Variants in TMTC2 observed in about 807,000 individuals in gnomAD.
TMTC2 encodes transmembrane O-mannosyltransferase targeting cadherins 2, also known as protein O-mannosyl-transferase TMTC2.
TMTC2 carries 43 observed loss-of-function variants against 82.4 expected under a neutral mutation model. The ratio of observed to expected loss-of-function variants is 0.52; its 90% CI spans 0.41 to 0.67. The LOEUF (loss-of-function observed/expected upper bound fraction) is 0.67. Among genes scored for constraint, TMTC2 ranks in the 30% least tolerant of loss-of-function variants. TMTC2 has a pLI of 0.00. For missense variants in TMTC2, 919 were observed against 1,012.4 expected (o/e 0.91, Z 1.25); for synonymous variants, 408 against 381.9 (o/e 1.07, Z -0.80).
chr12:82,742,548 T>C (rs1355099282), intron 1 of TMTC2, among the ~76,000 whole-genome samples: 1 of 151,680 alleles, frequency 6.6e-6, no homozygotes, highest in East Asian at 1.9e-4. Flanking sequence ...AGGTGGAGTT[T>C]CACTCTTGTC....
chr12:82,818,064 A>G (rs1868853862), intron 1 of TMTC2, among the ~76,000 whole-genome samples: 1 of 152,120 alleles, frequency 6.6e-6, no homozygotes, highest in Admixed American at 6.6e-5. Context: ...TTCCCCCTGT[A>G]TCTTATCATT....
intron 7 of TMTC2, among the ~76,000 whole-genome samples, chr12:82,976,729 G>A (rs139158611): frequency 1.3e-5 from 2 of 152,142 alleles, no homozygotes; most frequent in South Asian, 4.1e-4. Flanking sequence ...AGTTACACCA[G>A]GTTTGTAGCA....
intron 1 of TMTC2, among the ~76,000 whole-genome samples, chr12:82,830,797 T>G: frequency 6.6e-6 from 1 of 152,198 alleles, no homozygotes; most frequent in East Asian, 1.9e-4. Flanking sequence ...CTTAGAAACC[T>G]ATTGAATAAA....
intron 4 of TMTC2, among the ~76,000 whole-genome samples, chr12:82,951,644 G>T (rs568114901): frequency 1.9e-4 from 29 of 152,054 alleles, no homozygotes; most frequent in African/African-American, 6.5e-4. Context: ...TTAAAGAAGG[G>T]TACATCTTTT....
intron 1 of TMTC2, among the ~76,000 whole-genome samples, chr12:82,786,421 G>A (rs1373019473): frequency 6.6e-6 from 1 of 152,074 alleles, no homozygotes; most frequent in Admixed American, 6.6e-5. Context: ...CCGTTCAGAA[G>A]TGATTCCTTG....
At chr12:82,832,182 A>G (rs936794362) in intron 1 of TMTC2, among the ~76,000 whole-genome samples, 1 of 151,906 alleles carries the variant, frequency 6.6e-6, no homozygotes, top group Non-Finnish European at 1.5e-5. Context: ...TTCTCTGATT[A>G]TTTTCTTTTC....
intron 1 of TMTC2, among the ~76,000 whole-genome samples, chr12:82,762,820 A>C (rs1422289351): frequency 6.6e-6 from 1 of 151,486 alleles, no homozygotes. Flanking sequence ...ATACATGTTT[A>C]TGTTTTTTAA....
chr12:82,692,989 T>G (rs1872640765), intron 1 of TMTC2, among the ~76,000 whole-genome samples: 1 of 152,234 alleles, frequency 6.6e-6, no homozygotes, highest in African/African-American at 2.4e-5. Context: ...ATTCAATAAT[T>G]CACAAATTAT....
chr12:82,881,017 AT>A (rs1252462706), intron 2 of TMTC2, among the ~76,000 whole-genome samples: 6 of 152,304 alleles, frequency 3.9e-5, no homozygotes, highest in South Asian at 4.1e-4. Flanking sequence ...AGTTTGTTTT[AT>A]TGATAATGCT....
At chr12:82,855,739 T>C (rs1401843258) in intron 1 of TMTC2, among the ~76,000 whole-genome samples, 1 of 152,266 alleles carries the variant, frequency 6.6e-6, no homozygotes, top group Admixed American at 6.5e-5. Context: ...CTTATCCACA[T>C]ATGTCAGTAC....
intron 11 of TMTC2, among the ~76,000 whole-genome samples, chr12:83,105,300 G>A (rs765758269): frequency 4.6e-5 from 7 of 152,088 alleles, no homozygotes; most frequent in Non-Finnish European, 1.0e-4. Flanking sequence ...ACATTTTCAG[G>A]TACCTTTATA....
intron 1 of TMTC2, among the ~76,000 whole-genome samples, chr12:82,791,372 T>A (rs1450350025): frequency 2.0e-5 from 3 of 152,074 alleles, no homozygotes; most frequent in Non-Finnish European, 4.4e-5. Context: ...AAATCAAATG[T>A]TATATATATT....
At chr12:82,883,111 C>A (rs1872920685) in intron 2 of TMTC2, among the ~76,000 whole-genome samples, 1 of 150,600 alleles carries the variant, frequency 6.6e-6, no homozygotes, top group South Asian at 2.1e-4. Flanking sequence ...CCTCAGTTGC[C>A]CAGTCAAGCA....
chr12:82,772,507 TGA>T (rs1354901211), intron 1 of TMTC2, among the ~76,000 whole-genome samples: 1 of 152,224 alleles, frequency 6.6e-6, no homozygotes, highest in Non-Finnish European at 1.5e-5. Flanking sequence ...TCAACTCTTG[TGA>T]GTAGTGGCTA....
At chr12:82,696,708 C>T (rs1346612840) in intron 1 of TMTC2, among the ~76,000 whole-genome samples, 2 of 151,930 alleles carry the variant, frequency 1.3e-5, no homozygotes, top group African/African-American at 4.8e-5. Flanking sequence ...TGTAGTATTT[C>T]TAGGAGGGAA....
intron 10 of TMTC2, 51 bp from the exon 11 acceptor site, chr12:83,061,717 T>A (rs1464043176): frequency 1.4e-6 from 2 of 1,465,452 alleles, no homozygotes; most frequent in African/African-American, 2.9e-5. Context: ...GTGATCCTAT[T>A]TGTAATTCTA....
intron 1 of TMTC2, among the ~76,000 whole-genome samples, chr12:82,718,050 T>G (rs914173264): frequency 6.6e-6 from 1 of 152,186 alleles, no homozygotes; most frequent in Non-Finnish European, 1.5e-5. Context: ...TTATGCCTGG[T>G]GTTCCATTAT....
chr12:83,025,842 A>G (rs146164287), intron 8 of TMTC2, among the ~76,000 whole-genome samples: 128 of 152,312 alleles, frequency 8.4e-4, no homozygotes, highest in African/African-American at 2.9e-3. Flanking sequence ...TAAAGGATAC[A>G]ATTGAACAGC....
chr12:82,963,921 A>C lies in TMTC2; in HGVS notation c.1599-1103A>C, dbSNP rs571490805. ...TTTGTAGCAACTATGAGAAATAATGAAGTTTTTAATATATGCTTTTGACAC... is the reference window on the plus strand; with the variant it reads ...TTTGTAGCAACTATGAGAAATAATGCAGTTTTTAATATATGCTTTTGACAC... On this transcript the variant is annotated intron_variant, in intron 4 of 11. Transcript: ENST00000321196. 5.5e-5 allele frequency among the ~76,000 whole-genome samples: 8 copies of C among 146,584 alleles called. No homozygotes were observed. The South Asian group carries it at 1.7e-3, about 32-fold the overall frequency.
Sources: allele counts gnomAD v4.1 joint callset (sites outside exome capture counted in the v4.1 genomes callset), GRCh38; gene constraint gnomAD v4.1.1; transcripts MANE v1.5; gene names NCBI Gene and HGNC (gene_info 2026-07-23, HGNC 2026-07-21).